The following IPO8 variants were observed in gnomAD, a reference collection of about 807,000 sequenced individuals.
IPO8 encodes importin 8, also known as importin-8.
A neutral mutation model predicts 141.2 loss-of-function variants in IPO8; 65 were observed. The ratio of observed to expected loss-of-function variants is 0.46; its 90% CI spans 0.38 to 0.57. IPO8 has a LOEUF of 0.57. Among genes scored for constraint, IPO8 ranks in the 20% least tolerant of loss-of-function variants. The probability of loss-of-function intolerance (pLI) is 0.00; values close to 1 mark genes in which losing one functional copy is unlikely to be tolerated. For synonymous variants in IPO8, 411 were observed against 420.3 expected (o/e 0.98, Z 0.27); for missense variants, 980 against 1,246.8 (o/e 0.79, Z 3.22).
intron 2 of IPO8, 41 bp from the exon 3 acceptor site, chr12:30,684,498 G>C (rs772978837): frequency 1.3e-6 from 2 of 1,600,006 alleles, no homozygotes; most frequent in Non-Finnish European, 1.7e-6. Context: ...GTACCAAAAA[G>C]GATGGCTTTA....
chr12:30,690,643 C>G (rs1270364265), intron 1 of IPO8, 66 bp from the exon 2 acceptor site: 1 of 812,972 alleles, frequency 1.2e-6, no homozygotes, highest in Non-Finnish European at 2.0e-6. Flanking sequence ...AAGTTAGCAC[C>G]GGTTACTGAA....
At chr12:30,645,020 TAAAG>T (rs2136132749) in intron 20 of IPO8, among the ~76,000 whole-genome samples, 1 of 152,024 alleles carries the variant, frequency 6.6e-6, no homozygotes, top group South Asian at 2.1e-4. Flanking sequence ...AAACTACTGT[TAAAG>T]AAAGCTATGA....
chr12:30,654,966 A>G (rs1591829714), intron 17 of IPO8, among the ~76,000 whole-genome samples: 1 of 152,272 alleles, frequency 6.6e-6, no homozygotes, highest in South Asian at 2.1e-4. Context: ...CCACTGACAG[A>G]TGAACAGATA....
At chr12:30,668,375 G>A (rs1433083205) in intron 10 of IPO8, among the ~76,000 whole-genome samples, 1 of 152,122 alleles carries the variant, frequency 6.6e-6, no homozygotes, top group Non-Finnish European at 1.5e-5. Context: ...GCTCAACTAA[G>A]GGGAAAGCAC....
intron 23 of IPO8, 122 bp from the exon 24 acceptor site, chr12:30,632,133 C>T (rs531725660): frequency 3.2e-6 from 2 of 619,980 alleles, no homozygotes; most frequent in South Asian, 1.9e-5. Flanking sequence ...GAGTACAGTA[C>T]TACAACACAC....
At chr12:30,694,915 G>A in intron 1 of IPO8, 2 of 448,932 alleles carry the variant, frequency 4.5e-6, no homozygotes, top group Non-Finnish European at 9.0e-6. Flanking sequence ...AACAGGAGAC[G>A]GAGAAAAGAA....
intron 16 of IPO8, among the ~76,000 whole-genome samples, chr12:30,660,379 T>C (rs938646260): frequency 2.6e-5 from 4 of 152,208 alleles, no homozygotes; most frequent in Admixed American, 6.5e-5. Context: ...CATGGGATAC[T>C]TGGGAAGCAG....
Position 30,671,006 on chromosome 12 carries a change from C to A in IPO8, c.1000G>T (p.Val334Leu). 2 of 1,613,726 alleles carry A rather than the reference C, an allele frequency of 1.2e-6. No homozygotes were observed. Among genetic ancestry groups the A allele is most frequent in the African/African-American group, 2.7e-5 (2 of 75,020 alleles). The change falls in exon 9 of 25, where the codon GTG (valine) becomes TTG (leucine). Residue 334 changes from valine (V) to leucine (L), a missense_variant. Physicochemically the swap from Val to Leu is conservative, Grantham distance 32. Transcript: ENST00000256079. ...TGCTTCCAGGTTATAGAATGAACCA[C>A]CCCTTGGTTGAGATAGTTGAATGCT... ...QQAFNYLNQG[V>L]VHSITWKQMK...
At chr12:30,636,521 C>T (rs1233481772) in intron 22 of IPO8, among the ~76,000 whole-genome samples, 1 of 151,948 alleles carries the variant, frequency 6.6e-6, no homozygotes, top group African/African-American at 2.4e-5. Context: ...GTAATTTTTG[C>T]TAATGAGTCA....
At chr12:30,659,443 C>G (rs2052850317) in intron 16 of IPO8, among the ~76,000 whole-genome samples, 1 of 150,880 alleles carries the variant, frequency 6.6e-6, no homozygotes, top group Non-Finnish European at 1.5e-5. Flanking sequence ...TGTCACTGCA[C>G]TCCGGCCTGG....
intron 22 of IPO8, among the ~76,000 whole-genome samples, chr12:30,634,665 G>C (rs2052477507): frequency 6.6e-6 from 1 of 151,970 alleles, no homozygotes. Flanking sequence ...AAAAGTGACT[G>C]TACGGTCAGT....
rs372073292 is a variant in IPO8 at position 30,665,253 on chromosome 12, T to C, written c.1395A>G (p.Leu465=). The C allele has an allele frequency of 3.1e-6, 5 of 1,598,126 alleles. No homozygotes were observed. The highest frequency in any genetic ancestry group is 2.2e-5 in the South Asian group (2 of 89,562). The change falls in exon 13 of 25, where the codon TTA becomes TTG. Residue 465 remains leucine, a synonymous_variant. Coordinates refer to ENST00000256079, the MANE Select transcript of IPO8 (RefSeq NM_006390.4). ...ELFLQNHVFP[L]LLSNLGYLRA... is the part of the protein sequence containing the mutation. ...GAAGATATCCCAGGTTAGACAATAA[T>C]AATGGAAATACATGATTTTGTAGAA... is the stretch of plus-strand genomic sequence containing the variant.
In IPO8 at chr12:30,669,368, C is replaced by T. The variant is rs772322498; in HGVS notation, c.1045-86G>A. On this transcript the variant is annotated intron_variant, in intron 9 of 24. Coordinates refer to ENST00000256079, the MANE Select transcript of IPO8 (RefSeq NM_006390.4). Reference sequence around the variant, plus strand: ...TACTAATAATGTACTTGTTGACAGCCTTTATGATGTTAGTTTTCCAAACTC... The same window carrying T: ...TACTAATAATGTACTTGTTGACAGCTTTTATGATGTTAGTTTTCCAAACTC... The T allele has an allele frequency of 4.9e-5, 28 of 569,232 alleles. No individual in the cohort carries two copies. In the African/African-American group the frequency reaches 5.3e-4, roughly 11 times the overall value. The allele number at this position is 569,232 out of a possible 1,614,324, so 35.3% of individuals were successfully genotyped here.
intron 9 of IPO8, 89 bp downstream of exon 9, chr12:30,670,873 G>A: frequency 9.6e-7 from 1 of 1,045,762 alleles, no homozygotes; most frequent in Non-Finnish European, 1.4e-6. Context: ...TATATAAAAT[G>A]TAAAATATAG....
At chr12:30,681,633 T>A in intron 4 of IPO8, 26 bp downstream of exon 4, 1 of 1,598,404 alleles carries the variant, frequency 6.3e-7, no homozygotes, top group Non-Finnish European at 8.5e-7. Flanking sequence ...AAGGCTGCTT[T>A]CTTCAGCCAA....
At chr12:30,677,271 A>G (rs2053134706) in intron 5 of IPO8, 1 of 391,240 alleles carries the variant, frequency 2.6e-6, no homozygotes. Flanking sequence ...AACACAGCTG[A>G]AAGATTCTTA....
In IPO8 at chr12:30,637,075, GGAAAA is replaced by G. The variant is rs1565492786; in HGVS notation, c.2597_2601del (p.Leu866ProfsTer12). ...CAGACCTGCTTTAGGCCAAGGAAAA[GGAAAA>G]GAATTGAGGGAACAATCTGTCCCAC... On this transcript the variant is annotated frameshift_variant, in exon 22 of 25. Coordinates refer to ENST00000256079, the MANE Select transcript of IPO8 (RefSeq NM_006390.4). LOFTEE classifies it high-confidence loss of function. 2.5e-6 allele frequency: 4 copies of G among 1,614,022 alleles called. No homozygotes were observed. Among genetic ancestry groups the G allele is most frequent in the Non-Finnish European group, 3.4e-6 (4 of 1,179,976 alleles).
chr12:30,670,015 C>T (rs534740628), intron 9 of IPO8, among the ~76,000 whole-genome samples: 47 of 152,206 alleles, frequency 3.1e-4, no homozygotes, highest in African/African-American at 1.1e-3. Context: ...TTTCTTATTC[C>T]TACTTTACAG....
chr12:30,633,931 G>A, intron 23 of IPO8, 152 bp downstream of exon 23: 1 of 618,526 alleles, frequency 1.6e-6, no homozygotes, highest in Non-Finnish European at 2.8e-6. Flanking sequence ...ATCATTTCAT[G>A]TATGTATGTT....
Sources: allele counts gnomAD v4.1 joint callset (sites outside exome capture counted in the v4.1 genomes callset), GRCh38; gene constraint gnomAD v4.1.1; transcripts MANE v1.5; gene names NCBI Gene and HGNC (gene_info 2026-07-23, HGNC 2026-07-21).